Variants in SLC34A2 observed in about 807,000 individuals in gnomAD.
The protein encoded by SLC34A2 is solute carrier family 34 member 2.
A neutral mutation model predicts 50.8 loss-of-function variants in SLC34A2; 41 were observed. The observed-to-expected ratio is 0.81, with a 90% CI of 0.63 to 1.05. The LOEUF (loss-of-function observed/expected upper bound fraction) is 1.05, where lower values mean the gene tolerates loss of function less well. Among genes scored for constraint, SLC34A2 ranks in the 50% least tolerant of loss-of-function variants. The pLI is 0.00. For synonymous variants in SLC34A2, 401 were observed against 364.2 expected, an observed-to-expected ratio of 1.10 and a Z score of -1.15; for missense variants, 879 against 876.7, an observed-to-expected ratio of 1.00 and a Z score of -0.03.
chr4:25,660,153 G>GC (rs778624851), intron 1 of SLC34A2, among the ~76,000 whole-genome samples: 2 of 152,166 alleles, frequency 1.3e-5, no homozygotes, highest in African/African-American at 2.4e-5. Flanking sequence ...TCATAAATAT[G>GC]CCCGGCAGGG....
chr4:25,669,284 C>T (rs1714683040), intron 6 of SLC34A2, among the ~76,000 whole-genome samples: 1 of 152,194 alleles, frequency 6.6e-6, no homozygotes, highest in Non-Finnish European at 1.5e-5. Context: ...CAATTGAAAA[C>T]TCCAGCATAG....
In SLC34A2 at chr4:25,674,438, C is replaced by G. The variant is rs73809806; in HGVS notation, c.1333+26C>G. The G allele has an allele frequency of 1.2e-3, 1,884 of 1,614,222 alleles. 16 individuals carry two copies. The African/African-American group carries it at 0.022, about 19-fold the overall frequency. On this transcript the variant is annotated intron_variant, in intron 11 of 12. Coordinates refer to ENST00000382051, the MANE Select transcript of SLC34A2 (RefSeq NM_006424.3). The stretch of plus-strand genomic sequence containing the variant: ...GTGAGTTACACCCTGGCTTCTCCCT[C>G]TGGCCACCACTGCCATTTCCTGTCA...
chr4:25,668,776 C>G (rs1207998235), intron 6 of SLC34A2, among the ~76,000 whole-genome samples: 2 of 151,970 alleles, frequency 1.3e-5, no homozygotes, highest in Non-Finnish European at 2.9e-5. Context: ...AAAAACAAAA[C>G]CTAGTTTCTG....
intron 1 of SLC34A2, among the ~76,000 whole-genome samples, chr4:25,661,348 G>A (rs961652082): frequency 2.6e-5 from 4 of 152,176 alleles, no homozygotes; most frequent in African/African-American, 4.8e-5. Context: ...GAAGGCCTGG[G>A]TGGTAGGTAA....
chr4:25,669,334 AAAG>A (rs1046977846), intron 6 of SLC34A2, among the ~76,000 whole-genome samples: 1 of 152,180 alleles, frequency 6.6e-6, no homozygotes, highest in Non-Finnish European at 1.5e-5. Flanking sequence ...CACCTTTCCA[AAAG>A]AAGGTAGCCT....
chr4:25,674,079 GT>G (rs1275387031), intron 10 of SLC34A2, among the ~76,000 whole-genome samples: 1 of 152,198 alleles, frequency 6.6e-6, no homozygotes, highest in African/African-American at 2.4e-5. Context: ...CTGTGTTTTT[GT>G]TTTCATAACA....
intron 6 of SLC34A2, among the ~76,000 whole-genome samples, chr4:25,669,388 C>G (rs958420378): frequency 1.3e-5 from 2 of 152,160 alleles, no homozygotes; most frequent in Non-Finnish European, 2.9e-5. Context: ...TGCAATTCTT[C>G]GAAACAGTGA....
At chr4:25,675,446 G>A (rs1364002352) in intron 12 of SLC34A2, among the ~76,000 whole-genome samples, 1 of 152,142 alleles carries the variant, frequency 6.6e-6, no homozygotes, top group Non-Finnish European at 1.5e-5. Flanking sequence ...TATCTCATTA[G>A]GATTATTATA....
In SLC34A2 at chr4:25,666,250, GTCAGC is replaced by G; in HGVS notation, c.503_507del (p.Val168AspfsTer40). The G allele has an allele frequency of 6.2e-7, 1 of 1,613,986 alleles. No individual in the cohort carries two copies. The highest frequency in any genetic ancestry group is 1.1e-5 in the South Asian group (1 of 91,074). On this transcript the variant is annotated frameshift_variant, in exon 5 of 13. Transcript: ENST00000382051. LOFTEE classifies it high-confidence loss of function. ...CTCCAGCACCTCAACGTCCATCGTT[GTCAGC>G]ATGGTGTCCTCTTCATGTGAGTCGG...
chr4:25,660,621 C>T (rs1177287738), intron 1 of SLC34A2, among the ~76,000 whole-genome samples: 1 of 152,232 alleles, frequency 6.6e-6, no homozygotes, highest in Non-Finnish European at 1.5e-5. Flanking sequence ...TCTCAGCTCA[C>T]TGCAACCTCC....
intron 1 of SLC34A2, among the ~76,000 whole-genome samples, chr4:25,660,219 T>C (rs1259112892): frequency 1.3e-5 from 2 of 152,112 alleles, no homozygotes; most frequent in Admixed American, 1.3e-4. Flanking sequence ...TTTGGTAGGG[T>C]TTGCAGTCTG....
chr4:25,669,648 G>A lies in SLC34A2; in HGVS notation c.637G>A (p.Ala213Thr). ...GCTGTCGGGGTTTCCCTCCCATAGA[G>A]CTTTTGCAGGAGCCACTGTCCATGA... is the stretch of plus-strand genomic sequence containing the variant. ...QVGDRSEFRR[A>T]FAGATVHDFF... Residue 213 changes from alanine to threonine, a missense_variant and splice_region_variant, in exon 7 of 13, where the codon GCT becomes ACT. Physicochemically the swap from Ala to Thr is moderately conservative, Grantham distance 58. Transcript: ENST00000382051. The A allele has an allele frequency of 1.2e-6, 2 of 1,613,768 alleles. No individual in the cohort carries two copies. Among genetic ancestry groups the A allele is most frequent in the Non-Finnish European group, 1.7e-6 (2 of 1,180,024 alleles).
At position 25,677,380 on chromosome 4, in the gene SLC34A2, T is replaced by C. The variant is rs949273933; in HGVS notation, c.*631T>C. The C allele has an allele frequency of 3.3e-5, 5 of 153,310 alleles. No individual in the cohort carries two copies. The highest frequency in any genetic ancestry group is 1.3e-4 in the Admixed American group (2 of 15,464). The allele number at this position is 153,310 out of a possible 1,614,324, so 9.5% of individuals were successfully genotyped here. A position where few individuals can be genotyped will look rare whatever the true frequency, so the allele number is the denominator to read the frequency against. On this transcript the variant is annotated 3_prime_UTR_variant, in exon 13 of 13. Coordinates refer to ENST00000382051, the MANE Select transcript of SLC34A2 (RefSeq NM_006424.3). ...AGGTGTGCTAGTCCAGGCAGTTCAC[T>C]TGCAGTTTCCTTGTCCTCATGCTTC...
intron 4 of SLC34A2, among the ~76,000 whole-genome samples, chr4:25,665,409 C>T (rs749937724): frequency 4.6e-5 from 7 of 151,922 alleles, no homozygotes; most frequent in African/African-American, 7.3e-5. Context: ...TCAGTTGTTC[C>T]GCCCGTCCTC....
At position 25,676,512 on chromosome 4, in the gene SLC34A2, CT is replaced by C; in HGVS notation, c.1837del (p.Cys613AlafsTer56). 1.2e-6 allele frequency: 2 copies of C among 1,614,130 alleles called. No homozygotes were observed. The highest frequency in any genetic ancestry group is 1.7e-6 in the Non-Finnish European group (2 of 1,179,994). On this transcript the variant is annotated frameshift_variant, in exon 13 of 13. Coordinates refer to ENST00000382051, the MANE Select transcript of SLC34A2 (RefSeq NM_006424.3). LOFTEE classifies it low-confidence loss of function (END_TRUNC). ...ATGCCGTCGTCTCCAAGTTCACCGG[CT>C]GCTTCCAGATGCGCTGCTGCTGCTG... ...WDAVVSKFTG[C>X]FQMRCCCCCR...
Position 25,662,736 on chromosome 4 carries a change from T to G in SLC34A2, c.144T>G (p.Ile48Met). 6.2e-7 allele frequency: 1 copy of G among 1,614,108 alleles called. No individual in the cohort carries two copies. Among genetic ancestry groups the G allele is most frequent in the South Asian group, 1.1e-5 (1 of 91,080 alleles). ...TDNTEAPVTK[I>M]ELLPSYSTAT... ...ACACTGAGGCACCTGTAACCAAGAT[T>G]GAACTTCTGCCGTCCTACTCCACGG... Residue 48 changes from isoleucine to methionine, a missense_variant, in exon 3 of 13, where the codon ATT becomes ATG. Coordinates refer to ENST00000382051, the MANE Select transcript of SLC34A2 (RefSeq NM_006424.3).
chr4:25,674,154 T>C, intron 10 of SLC34A2, 142 bp from the exon 11 acceptor site: 1 of 714,634 alleles, frequency 1.4e-6, no homozygotes, highest in Non-Finnish European at 2.6e-6. Flanking sequence ...GGAATGAAAC[T>C]GGATTCTAAA....
At chr4:25,675,683 A>G (rs1715070834) in intron 12 of SLC34A2, among the ~76,000 whole-genome samples, 2 of 152,216 alleles carry the variant, frequency 1.3e-5, no homozygotes, top group African/African-American at 4.8e-5. Context: ...TTTCATACTT[A>G]AAGCACATCT....
intron 1 of SLC34A2, among the ~76,000 whole-genome samples, chr4:25,656,815 C>A (rs1713905912): frequency 6.6e-6 from 1 of 152,132 alleles, no homozygotes; most frequent in Non-Finnish European, 1.5e-5. Context: ...TCACTCGAGT[C>A]CCCTCTTCCT....
Sources: gnomAD v4.1 joint callset for allele counts (sites outside exome capture counted in the v4.1 genomes callset) on GRCh38, gnomAD v4.1.1 for gene constraint, MANE v1.5 for transcripts, NCBI Gene and HGNC (gene_info 2026-07-23, HGNC 2026-07-21) for gene names.